Variants in ESF1 observed in about 807,000 individuals in gnomAD.
The protein encoded by ESF1 is ESF1 homolog.
A neutral mutation model predicts 92.0 loss-of-function variants in ESF1; 58 were observed. The observed-to-expected ratio is 0.63, with a 90% CI of 0.51 to 0.78. ESF1 has a LOEUF of 0.78. ESF1 is among the 30% of genes least tolerant of loss of function. The pLI is 0.00. For synonymous variants in ESF1, 321 were observed against 313.7 expected (o/e 1.02, Z -0.24); for missense variants, 922 against 989.1 (o/e 0.93, Z 0.91).
intron 7 of ESF1, among the ~76,000 whole-genome samples, chr20:13,768,683 G>A (rs1477034300): frequency 2.0e-5 from 3 of 151,742 alleles, no homozygotes; most frequent in Admixed American, 1.3e-4. Flanking sequence ...GATCATCTGA[G>A]CTCAGGAGTT....
chr20:13,745,355 GA>G (rs765653347), intron 9 of ESF1, among the ~76,000 whole-genome samples: 1 of 152,154 alleles, frequency 6.6e-6, no homozygotes, highest in Non-Finnish European at 1.5e-5. Context: ...GATACATTGT[GA>G]TAAGTTATAC....
At chr20:13,730,716 T>C (rs2049937215) in intron 10 of ESF1, among the ~76,000 whole-genome samples, 1 of 151,908 alleles carries the variant, frequency 6.6e-6, no homozygotes, top group African/African-American at 2.4e-5. Flanking sequence ...TTTTTTTTTT[T>C]TTACCAAACT....
chr20:13,730,541 G>A (rs1042791495), intron 10 of ESF1, among the ~76,000 whole-genome samples: 7 of 151,556 alleles, frequency 4.6e-5, no homozygotes, highest in African/African-American at 9.7e-5. Context: ...CCGCCACCAC[G>A]CCCAGCTAAT....
intron 9 of ESF1, among the ~76,000 whole-genome samples, chr20:13,744,945 C>T (rs531590771): frequency 6.6e-6 from 1 of 152,292 alleles, no homozygotes; most frequent in South Asian, 2.1e-4. Context: ...GACTGCAGAG[C>T]CCATTGAAGG....
intron 9 of ESF1, among the ~76,000 whole-genome samples, chr20:13,740,861 T>A (rs1370731973): frequency 6.6e-6 from 1 of 152,156 alleles, no homozygotes; most frequent in Non-Finnish European, 1.5e-5. Context: ...CTTCCTGACT[T>A]GCACAGGAGT....
At chr20:13,736,281 A>G (rs891238478) in intron 9 of ESF1, among the ~76,000 whole-genome samples, 4 of 152,160 alleles carry the variant, frequency 2.6e-5, no homozygotes, top group Non-Finnish European at 5.9e-5. Context: ...ATAATAAAAA[A>G]TGTCTCCAGA....
At chr20:13,731,073 C>G (rs2049939520) in intron 10 of ESF1, among the ~76,000 whole-genome samples, 1 of 152,064 alleles carries the variant, frequency 6.6e-6, no homozygotes, top group South Asian at 2.1e-4. Context: ...ATTTTGAATG[C>G]TGCTGACCAA....
chr20:13,725,765 A>C (rs1282451952), intron 11 of ESF1, among the ~76,000 whole-genome samples: 1 of 152,164 alleles, frequency 6.6e-6, no homozygotes, highest in Non-Finnish European at 1.5e-5. Flanking sequence ...TTTACATGCT[A>C]CTGATCCTTA....
intron 8 of ESF1, among the ~76,000 whole-genome samples, chr20:13,764,925 AAAAAAC>A (rs1318112989): frequency 6.6e-6 from 1 of 151,870 alleles, no homozygotes; most frequent in Non-Finnish European, 1.5e-5. Context: ...ATTAAAAAAA[AAAAAAC>A]AAAAACAAAG....
chr20:13,760,715 G>A (rs1021955822), intron 8 of ESF1, among the ~76,000 whole-genome samples: 2 of 151,384 alleles, frequency 1.3e-5, no homozygotes, highest in African/African-American at 4.9e-5. Flanking sequence ...GGAGGCGGGG[G>A]GTCAGCCCCC....
At chr20:13,759,437 T>C (rs1460452781) in intron 9 of ESF1, among the ~76,000 whole-genome samples, 28 of 152,168 alleles carry the variant, frequency 1.8e-4, no homozygotes, top group Non-Finnish European at 2.9e-5. Flanking sequence ...TTTCTATATC[T>C]TGAGAATACA....
intron 9 of ESF1, among the ~76,000 whole-genome samples, chr20:13,753,919 A>G (rs929533841): frequency 6.6e-6 from 1 of 152,250 alleles, no homozygotes; most frequent in Non-Finnish European, 1.5e-5. Context: ...ACCACTAGGC[A>G]TAAGTTAATC....
At chr20:13,753,254 C>A (rs1158030490) in intron 9 of ESF1, among the ~76,000 whole-genome samples, 1 of 151,672 alleles carries the variant, frequency 6.6e-6, no homozygotes, top group Non-Finnish European at 1.5e-5. Flanking sequence ...GCCCCCTTAC[C>A]CATTTATCTG....
At chr20:13,719,860 T>A (rs1031982437) in intron 11 of ESF1, among the ~76,000 whole-genome samples, 3 of 152,204 alleles carry the variant, frequency 2.0e-5, no homozygotes, top group Non-Finnish European at 4.4e-5. Flanking sequence ...AATAATAATT[T>A]GACAGTCACT....
At chr20:13,735,490 C>A (rs2049970293) in intron 9 of ESF1, among the ~76,000 whole-genome samples, 1 of 152,048 alleles carries the variant, frequency 6.6e-6, no homozygotes, top group Non-Finnish European at 1.5e-5. Context: ...ATGTTTAGAT[C>A]TCTGATTCAA....
At chr20:13,736,446 C>A (rs2049976109) in intron 9 of ESF1, among the ~76,000 whole-genome samples, 1 of 152,146 alleles carries the variant, frequency 6.6e-6, no homozygotes, top group Non-Finnish European at 1.5e-5. Flanking sequence ...TATATGTCTT[C>A]CCAATTTATA....
intron 11 of ESF1, among the ~76,000 whole-genome samples, chr20:13,727,139 A>G: frequency 6.6e-6 from 1 of 152,230 alleles, no homozygotes. Context: ...TCACATGCCA[A>G]AGGAAACATT....
At chr20:13,736,550 C>T (rs1166321250) in intron 9 of ESF1, among the ~76,000 whole-genome samples, 1 of 152,112 alleles carries the variant, frequency 6.6e-6, no homozygotes. Context: ...TAGTGCCAGA[C>T]ACATAGTAAA....
At chr20:13,728,782 A>G (rs941379603) in intron 10 of ESF1, among the ~76,000 whole-genome samples, 5 of 151,758 alleles carry the variant, frequency 3.3e-5, no homozygotes, top group Admixed American at 6.6e-5. Context: ...CAGGAGAATC[A>G]CTTGAACCCA....
Sources: gnomAD v4.1 joint callset for allele counts (sites outside exome capture counted in the v4.1 genomes callset) on GRCh38, gnomAD v4.1.1 for gene constraint, MANE v1.5 for transcripts, NCBI Gene and HGNC (gene_info 2026-07-23, HGNC 2026-07-21) for gene names.